Variants in SNX14 observed in about 807,000 individuals in gnomAD.
SNX14 encodes the protein sorting nexin 14.
In SNX14, 93 loss-of-function variants were observed where a neutral mutation model predicts 133.8. That is an observed-to-expected ratio of 0.70 (90% CI 0.59 to 0.83). The LOEUF (loss-of-function observed/expected upper bound fraction) is 0.83, where lower values mean the gene tolerates loss of function less well. Ranked by LOEUF, SNX14 falls within the 40% of genes least tolerant of loss-of-function variation. SNX14 has a pLI of 0.00. For missense variants in SNX14, 945 were observed against 1,094.9 expected, an observed-to-expected ratio of 0.86 and a Z score of 1.93; for synonymous variants, 368 against 365.6, an observed-to-expected ratio of 1.01 and a Z score of -0.07.
Position 85,571,429 on chromosome 6 carries a change from G to T in SNX14, c.417+708C>A, listed in dbSNP as rs1246401623. Among the ~76,000 whole-genome samples, 4 of 151,536 alleles carry T rather than the reference G, an allele frequency of 2.6e-5. No individual in the cohort carries two copies. The East Asian group carries it at 7.7e-4, about 29-fold the overall frequency. On this transcript the variant is annotated intron_variant, in intron 4 of 28. Transcript: ENST00000314673. ...CAAATTTTAATGGGCTTTTATGCAG[G>T]ATACAAAATGGGATAAAGAACAATT... is the stretch of plus-strand genomic sequence containing the variant.
rs1562162182 is a variant in SNX14 at position 85,507,251 on chromosome 6, C to T, written c.2784G>A (p.Leu928=). ...YVLLDIVIQE[L]FPELNKVQKE... ...CAGTTACCTTATTGAGCTCTGGAAA[C>T]AGTTCCTGTATCACAATGTCCAATA... Residue 928 remains leucine, a synonymous_variant, in exon 28 of 29, where the codon CTG becomes CTA. Transcript: ENST00000314673. 1.9e-6 allele frequency: 3 copies of T among 1,611,232 alleles called. No individual in the cohort carries two copies. Among genetic ancestry groups the T allele is most frequent in the African/African-American group, 1.3e-5 (1 of 74,850 alleles).
At chr6:85,590,119 A>C (rs1802340731) in intron 1 of SNX14, among the ~76,000 whole-genome samples, 1 of 152,232 alleles carries the variant, frequency 6.6e-6, no homozygotes. Flanking sequence ...GGGACAAAGC[A>C]TCAATGAAAT....
chr6:85,567,620 G>A, intron 4 of SNX14, 43 bp from the exon 5 acceptor site: 1 of 1,324,612 alleles, frequency 7.5e-7, no homozygotes, highest in Non-Finnish European at 1.0e-6. Flanking sequence ...AAATTAATTA[G>A]TTTTTGGAAA....
intron 28 of SNX14, among the ~76,000 whole-genome samples, chr6:85,506,989 G>A (rs1228838531): frequency 6.6e-6 from 1 of 152,002 alleles, no homozygotes; most frequent in Admixed American, 6.6e-5. Flanking sequence ...AGACTATATA[G>A]GGTCCCTATC....
intron 2 of SNX14, among the ~76,000 whole-genome samples, chr6:85,572,820 G>A (rs1796104581): frequency 6.6e-6 from 1 of 152,192 alleles, no homozygotes; most frequent in Admixed American, 6.5e-5. Context: ...TTAGACAGGT[G>A]TGGTGGCACA....
chr6:85,593,452 G>A (rs976123428), intron 1 of SNX14, 127 bp downstream of exon 1: 1 of 1,384,410 alleles, frequency 7.2e-7, no homozygotes, highest in Non-Finnish European at 9.5e-7. Context: ...GCTCCTCTGC[G>A]GAGCTCGCTC....
chr6:85,530,207 G>C lies in SNX14; in HGVS notation c.1879C>G (p.Leu627Val). 6.3e-7 allele frequency: 1 copy of C among 1,589,972 alleles called. No individual in the cohort carries two copies. ...YLEFYVLESKLTEFHGAFPDA... is the reference protein window; with the variant it reads ...YLEFYVLESKVTEFHGAFPDA... ...AATAACATACCATGAAATTCTGTTA[G>C]TTTTGATTCAAGTACATAGAATTCA... The change falls in exon 19 of 29, where the codon CTA (leucine) becomes GTA (valine). Residue 627 changes from leucine to valine, a missense_variant. Physicochemically the swap from Leu to Val is conservative, Grantham distance 32. Around this residue, in one of 3 missense-constraint regions of SNX14, gnomAD observed 412 missense variants for 516.6 expected, o/e 0.80. Transcript: ENST00000314673.
intron 7 of SNX14, among the ~76,000 whole-genome samples, chr6:85,555,335 T>C (rs114451046): frequency 2.2e-4 from 33 of 152,332 alleles, no homozygotes; most frequent in African/African-American, 7.9e-4. Context: ...GACCAAGATG[T>C]CCTTCAATTG....
At chr6:85,562,581 G>GTTT (rs1283899176) in intron 6 of SNX14, among the ~76,000 whole-genome samples, 1 of 95,290 alleles carries the variant, frequency 1.0e-5, no homozygotes, top group African/African-American at 4.6e-5. Flanking sequence ...TACTTTTTGG[G>GTTT]CTTTTTTTTT....
chr6:85,510,162 A>G (rs1772301795), intron 26 of SNX14, among the ~76,000 whole-genome samples: 1 of 152,202 alleles, frequency 6.6e-6, no homozygotes, highest in Admixed American at 6.5e-5. Flanking sequence ...ATCAAGAAAC[A>G]TAATTGCCAG....
chr6:85,531,010 A>G (rs1415564983), intron 18 of SNX14, among the ~76,000 whole-genome samples: 1 of 152,224 alleles, frequency 6.6e-6, no homozygotes, highest in East Asian at 1.9e-4. Flanking sequence ...TGCAGTTACG[A>G]AGATGCTCCA....
intron 2 of SNX14, 148 bp downstream of exon 2, chr6:85,574,110 T>TAA (rs777427563): frequency 6.9e-6 from 3 of 433,550 alleles, no homozygotes; most frequent in African/African-American, 8.8e-5. Flanking sequence ...GCAGAGTACC[T>TAA]AAAAAAAACA....
chr6:85,530,396 G>A (rs1386698536), intron 18 of SNX14, 121 bp from the exon 19 acceptor site: 4 of 567,470 alleles, frequency 7.0e-6, no homozygotes, highest in Non-Finnish European at 8.6e-6. Context: ...TATAATCCCA[G>A]CACTTTGGGA....
intron 7 of SNX14, among the ~76,000 whole-genome samples, chr6:85,551,017 G>T (rs1319181136): frequency 6.6e-6 from 1 of 152,138 alleles, no homozygotes; most frequent in African/African-American, 2.4e-5. Flanking sequence ...CTGACTTCAT[G>T]TGATCCACCC....
At chr6:85,538,984 T>A in intron 15 of SNX14, 120 bp from the exon 16 acceptor site, 1 of 709,150 alleles carries the variant, frequency 1.4e-6, no homozygotes, top group Non-Finnish European at 2.2e-6. Context: ...TACACAGGTG[T>A]ATAACATTCA....
intron 13 of SNX14, 59 bp from the exon 14 acceptor site, chr6:85,543,365 T>C: frequency 3.5e-6 from 5 of 1,410,810 alleles, no homozygotes; most frequent in East Asian, 2.6e-5. Context: ...TATACAGTTC[T>C]AAAACGTTTT....
rs1787098859 is a variant in SNX14 at position 85,549,803 on chromosome 6, T to C, written c.711A>G (p.Arg237=). 2 of 1,614,076 alleles carry C rather than the reference T, an allele frequency of 1.2e-6. No homozygotes were observed. Among genetic ancestry groups the C allele is most frequent in the East Asian group, 4.5e-5 (2 of 44,854 alleles). The change falls in exon 8 of 29, where the codon CGA becomes CGG. Residue 237 remains arginine, a synonymous_variant. Transcript: ENST00000314673. ...TCCTTAAATAGTGCAATTCATCTCT[T>C]CGACTTCTCAAAGCAACATGAAGCT... is the stretch of plus-strand genomic sequence containing the variant. ...GPELHVALRS[R]RDELHYLRKL...
chr6:85,584,999 G>A (rs773004900), intron 1 of SNX14, among the ~76,000 whole-genome samples: 6 of 152,102 alleles, frequency 3.9e-5, no homozygotes, highest in South Asian at 2.1e-4. Flanking sequence ...GGAACCAACC[G>A]AAATGCCCAT....
rs1782058758 is a variant in SNX14 at position 85,536,701 on chromosome 6, T to G, written c.1608+91A>C. On this transcript the variant is annotated intron_variant, in intron 17 of 28. Transcript: ENST00000314673. ...AGTATTAAACAGAATACACAGATTC[T>G]CCAAAAAAAGGAAAATAATGAGTAT... The G allele has an allele frequency of 2.3e-6, 3 of 1,287,914 alleles. No individual in the cohort carries two copies. The African/African-American group carries it at 4.5e-5, about 19-fold the overall frequency. 79.8% of individuals were successfully genotyped at this position (1,287,914 alleles called of 1,614,324 possible). A position where few individuals can be genotyped will look rare whatever the true frequency, so the allele number is the denominator to read the frequency against.
Sources: allele counts gnomAD v4.1 joint callset (sites outside exome capture counted in the v4.1 genomes callset), GRCh38; gene constraint gnomAD v4.1.1; regional missense constraint gnomAD v4.1.1; transcripts MANE v1.5; gene names NCBI Gene and HGNC (gene_info 2026-07-23, HGNC 2026-07-21).